The following SYNE2 variants were observed in gnomAD, a reference collection of about 807,000 sequenced individuals.
SYNE2 encodes nesprin-2.
SYNE2 carries 431 observed loss-of-function variants against 856.3 expected under a neutral mutation model. The ratio of observed to expected loss-of-function variants is 0.50; its 90% CI spans 0.47 to 0.55. The LOEUF (loss-of-function observed/expected upper bound fraction) is 0.55, where lower values mean the gene tolerates loss of function less well. Among genes scored for constraint, SYNE2 ranks in the 20% least tolerant of loss-of-function variants. The pLI, the probability that SYNE2 is intolerant of heterozygous loss-of-function variation, is 0.00. For synonymous variants in SYNE2, 2,923 were observed against 2,872.3 expected, an observed-to-expected ratio of 1.02 and a Z score of -0.56; for missense variants, 8,129 against 8,023.2, an observed-to-expected ratio of 1.01 and a Z score of -0.50.
At chr14:63,815,410 A>G (rs934583970) in intron 1 of SYNE2, among the ~76,000 whole-genome samples, 36 of 151,876 alleles carry the variant, frequency 2.4e-4, no homozygotes, top group South Asian at 1.5e-3. Flanking sequence ...GCATGAAAGA[A>G]AGATATAGGC....
At position 63,909,052 on chromosome 14, in the gene SYNE2, CAG is replaced by C. The variant is rs948236134; in HGVS notation, c.-51-43_-51-42del. The C allele has an allele frequency of 5.4e-6, 5 of 928,494 alleles. No individual in the cohort carries two copies. The East Asian group carries it at 7.2e-5, about 13-fold the overall frequency. The allele number at this position is 928,494 out of a possible 1,614,324, so 57.5% of individuals were successfully genotyped here. ...TCTGGCAATGCATGTTTACTAGAAA[CAG>C]AGCTGCAAAGTTACTAATGAACATT... On this transcript the variant is annotated intron_variant, in intron 1 of 115. Transcript: ENST00000555002.
At chr14:63,859,865 A>G (rs112599383) in intron 1 of SYNE2, among the ~76,000 whole-genome samples, 5 of 152,208 alleles carry the variant, frequency 3.3e-5, no homozygotes, top group Admixed American at 1.3e-4. Flanking sequence ...TGCAGCCTGC[A>G]CTAAAGGAGT....
chr14:63,984,373 TCTTA>T (rs1259752053), intron 18 of SYNE2, among the ~76,000 whole-genome samples: 1 of 152,226 alleles, frequency 6.6e-6, no homozygotes, highest in African/African-American at 2.4e-5. Flanking sequence ...AGCATGAAAG[TCTTA>T]CTTATTACAC....
intron 99 of SYNE2, among the ~76,000 whole-genome samples, chr14:64,196,203 G>A (rs1418714906): frequency 6.6e-6 from 1 of 152,172 alleles, no homozygotes; most frequent in Non-Finnish European, 1.5e-5. Context: ...ACGTTTCAAG[G>A]TGGGGATATA....
At position 64,021,371 on chromosome 14, in the gene SYNE2, A is replaced by C. The variant is rs141187665; in HGVS notation, c.5208A>C (p.Gly1736=). ...AACATGTACAGAAGTGCTTAACAGG[A>C]GAATCCAACTGCCATGCACTCAGTG... ...KMEHVQKCLT[G]ESNCHALSGS... The change falls in exon 36 of 116, where the codon GGA becomes GGC. Residue 1736 remains glycine (G), a synonymous_variant. Transcript: ENST00000555002. 4.5e-5 allele frequency: 73 copies of C among 1,614,174 alleles called. No homozygotes were observed. The highest frequency in any genetic ancestry group is 6.0e-5 in the Non-Finnish European group (71 of 1,180,010).
At chr14:63,924,975 A>AT (rs879818791) in intron 2 of SYNE2, among the ~76,000 whole-genome samples, 1 of 150,340 alleles carries the variant, frequency 6.7e-6, no homozygotes, top group African/African-American at 2.5e-5. Flanking sequence ...TGTTATTAGT[A>AT]TTTTTTTCTT....
intron 65 of SYNE2, among the ~76,000 whole-genome samples, chr14:64,110,098 A>G (rs931545972): frequency 1.1e-4 from 16 of 152,162 alleles, no homozygotes; most frequent in Admixed American, 5.2e-4. Context: ...TTAGGTATGC[A>G]GTTTTACATT....
At chr14:63,855,499 G>A (rs562298553) in intron 1 of SYNE2, among the ~76,000 whole-genome samples, 1 of 152,210 alleles carries the variant, frequency 6.6e-6, no homozygotes, top group African/African-American at 2.4e-5. Flanking sequence ...CTTGCTGCAT[G>A]AGGGCCTTTG....
rs780352939 is a variant in SYNE2, at chr14:64,212,087, C to A, written c.18850C>A (p.Arg6284Ser). ...AGAGAGTGACGCCGATGACAAGATG[C>A]GCCAACTGAATGTGAGGGCTGCTGC... ...FSESDADDKM[R>S]QLNGFQQEIT... Residue 6284 changes from arginine (R) to serine (S), a missense_variant, in exon 104 of 116, where the codon CGC (arginine) becomes AGC (serine). By Grantham distance (110) the Arg-to-Ser change is moderately radical. Around this residue, in one of 3 missense-constraint regions of SYNE2, gnomAD observed 5,410 missense variants for 5,284.8 expected, o/e 1.02. Coordinates refer to ENST00000555002, the MANE Select transcript of SYNE2 (RefSeq NM_182914.3). The A allele has an allele frequency of 1.2e-6, 2 of 1,614,108 alleles. No homozygotes were observed. Among genetic ancestry groups the A allele is most frequent in the African/African-American group, 1.3e-5 (1 of 75,054 alleles).
chr14:64,040,212 A>G (rs371866304), intron 45 of SYNE2, among the ~76,000 whole-genome samples: 9 of 152,340 alleles, frequency 5.9e-5, no homozygotes, highest in Admixed American at 6.5e-5. Context: ...GAATAAATAA[A>G]TAGCACAAAG....
At position 64,025,366 on chromosome 14, in the gene SYNE2, T is replaced by C. The variant is rs763653526; in HGVS notation, c.6197T>C (p.Val2066Ala). The C allele has an allele frequency of 1.7e-5, 28 of 1,613,744 alleles. No homozygotes were observed. Among genetic ancestry groups the C allele is most frequent in the Middle Eastern group, 3.3e-4 (2 of 6,082 alleles). The change falls in exon 41 of 116, where the codon GTT (valine) becomes GCT (alanine). Residue 2066 changes from valine to alanine, a missense_variant. Physicochemically the swap from Val to Ala is moderately conservative, Grantham distance 64 (BLOSUM62 0). Around this residue, in one of 3 missense-constraint regions of SYNE2, gnomAD observed 297 missense variants for 380.9 expected, o/e 0.78. Coordinates refer to ENST00000555002, the MANE Select transcript of SYNE2 (RefSeq NM_182914.3). ...AAAGAGATTAAAGAGTCCCTTATGG[T>C]TTTGAATTCATCCGAAGGCAAAATG... ...WIKEIKESLM[V>A]LNSSEGKMPL... is the part of the protein sequence containing the mutation.
At chr14:64,134,576 G>T (rs953328805) in intron 78 of SYNE2, among the ~76,000 whole-genome samples, 6 of 152,204 alleles carry the variant, frequency 3.9e-5, no homozygotes, top group African/African-American at 1.2e-4. Flanking sequence ...AAAGAACTTT[G>T]TCAGCCTTCG....
chr14:64,039,444 A>T (rs968328714), intron 45 of SYNE2, among the ~76,000 whole-genome samples: 2 of 152,210 alleles, frequency 1.3e-5, no homozygotes, highest in Admixed American at 6.5e-5. Context: ...GAGTCAGGGG[A>T]TGTAAAGATC....
intron 45 of SYNE2, among the ~76,000 whole-genome samples, chr14:64,039,657 T>C (rs560003028): frequency 1.4e-4 from 21 of 152,230 alleles, no homozygotes; most frequent in Non-Finnish European, 2.6e-4. Context: ...TTATTAACTT[T>C]GAACATTTTA....
At chr14:64,203,100 A>G in intron 100 of SYNE2, 137 bp downstream of exon 100, 1 of 1,131,756 alleles carries the variant, frequency 8.8e-7, no homozygotes, top group Non-Finnish European at 1.3e-6. Flanking sequence ...GAGAAAACTG[A>G]CCACCTTTCC....
intron 30 of SYNE2, among the ~76,000 whole-genome samples, 186 bp from the exon 31 acceptor site, chr14:64,006,857 A>G (rs994224915): frequency 3.3e-5 from 5 of 152,058 alleles, no homozygotes; most frequent in African/African-American, 2.4e-5. Flanking sequence ...AAACAAAACA[A>G]AACAAAAATC....
At chr14:63,842,405 G>T (rs1245238986) in intron 1 of SYNE2, among the ~76,000 whole-genome samples, 2 of 151,620 alleles carry the variant, frequency 1.3e-5, no homozygotes, top group Admixed American at 1.3e-4. Context: ...GCCCACCTCA[G>T]CCTCCCAAAG....
intron 7 of SYNE2, among the ~76,000 whole-genome samples, chr14:63,954,410 C>T (rs2096213195): frequency 6.6e-6 from 1 of 152,084 alleles, no homozygotes; most frequent in African/African-American, 2.4e-5. Flanking sequence ...ATTTCAGGCC[C>T]ACCTCCAGAG....
intron 85 of SYNE2, among the ~76,000 whole-genome samples, chr14:64,156,217 C>G (rs1248897924): frequency 6.6e-6 from 1 of 152,114 alleles, no homozygotes; most frequent in Admixed American, 6.5e-5. Context: ...TATTATAAGG[C>G]CAGAAGGCCT....
Sources: gnomAD v4.1 joint callset for allele counts (sites outside exome capture counted in the v4.1 genomes callset) on GRCh38, gnomAD v4.1.1 for gene constraint, gnomAD v4.1.1 regional missense constraint, MANE v1.5 for transcripts, NCBI Gene and HGNC (gene_info 2026-07-23, HGNC 2026-07-21) for gene names.